SMCO2: variants seen among roughly 807,000 people sequenced by gnomAD.
SMCO2 encodes single-pass membrane protein with coiled-coil domains 2.
A neutral mutation model predicts 29.5 loss-of-function variants in SMCO2; 25 were observed. The observed-to-expected ratio is 0.85, with a 90% CI of 0.62 to 1.18. SMCO2 has a LOEUF of 1.18. SMCO2 is among the 50% of genes most tolerant of loss of function. The probability of loss-of-function intolerance (pLI) is 0.00; values close to 1 mark genes in which losing one functional copy is unlikely to be tolerated. For synonymous variants in SMCO2, 117 were observed against 123.3 expected (o/e 0.95, Z 0.34); for missense variants, 348 against 344.5 (o/e 1.01, Z -0.08).
chr12:27,426,711 A>G, the SMCO2 span, among the ~76,000 whole-genome samples: 1 of 152,220 alleles, frequency 6.6e-6, no homozygotes, highest in Non-Finnish European at 1.5e-5. Context: ...AAACAAATAT[A>G]TAAGTAGTAC....
intron 4 of SMCO2, among the ~76,000 whole-genome samples, chr12:27,482,951 T>C (rs1949658018): frequency 6.6e-6 from 1 of 152,186 alleles, no homozygotes; most frequent in Non-Finnish European, 1.5e-5. Flanking sequence ...AGCCTTGGAC[T>C]TCTGGCCTCA....
chr12:27,456,508 T>A, the SMCO2 span, among the ~76,000 whole-genome samples: 3 of 152,152 alleles, frequency 2.0e-5, no homozygotes, highest in Admixed American at 6.5e-5. Flanking sequence ...GGAATCAAAC[T>A]CCTGGGCTCA....
At chr12:27,498,606 T>G in intron 7 of SMCO2, 1 of 208,918 alleles carries the variant, frequency 4.8e-6, no homozygotes, top group Non-Finnish European at 1.0e-5. Context: ...TGCTTAGGTT[T>G]GAACACTGTA....
At chr12:27,494,984 T>C (rs1415069659) in intron 6 of SMCO2, among the ~76,000 whole-genome samples, 4 of 152,126 alleles carry the variant, frequency 2.6e-5, no homozygotes, top group Non-Finnish European at 5.9e-5. Flanking sequence ...AGGTCATCTC[T>C]TCATTGAGAC....
At chr12:27,478,632 G>A (rs1031082694) in intron 4 of SMCO2, among the ~76,000 whole-genome samples, 6 of 152,056 alleles carry the variant, frequency 3.9e-5, no homozygotes, top group African/African-American at 1.4e-4. Flanking sequence ...TGTAGGCTGG[G>A]CAGGCTGGTC....
Position 27,492,810 on chromosome 12 carries a change from G to C in SMCO2, c.451-1490G>C, listed in dbSNP as rs575127829. Among the ~76,000 whole-genome samples, 4 of 152,162 alleles carry C rather than the reference G, an allele frequency of 2.6e-5. No homozygotes were observed. In the East Asian group the frequency reaches 7.7e-4, roughly 29 times the overall value. The stretch of plus-strand genomic sequence containing the variant: ...AGAGCTAAAAGCAGAACTACCAGTC[G>C]ACCCAGCAATCCCATTATTGTGTAT... On this transcript the variant is annotated intron_variant, in intron 5 of 7. Transcript: ENST00000298876.
the SMCO2 span, among the ~76,000 whole-genome samples, chr12:27,437,270 C>CA: frequency 3.3e-5 from 5 of 151,546 alleles, no homozygotes; most frequent in Non-Finnish European, 7.4e-5. Flanking sequence ...GACCTTGTCT[C>CA]AAAAAACAAA....
intron 1 of SMCO2, 139 bp from the exon 2 acceptor site, chr12:27,470,483 T>C: frequency 1.1e-6 from 1 of 922,078 alleles, no homozygotes. Flanking sequence ...TTTGGGGTCC[T>C]TTACGATGAA....
At chr12:27,436,423 C>T in the SMCO2 span, among the ~76,000 whole-genome samples, 1 of 152,060 alleles carries the variant, frequency 6.6e-6, no homozygotes, top group African/African-American at 2.4e-5. Context: ...CAGATGGATC[C>T]ACATTTGTCC....
chr12:27,446,332 T>TATAAGA, the SMCO2 span, among the ~76,000 whole-genome samples: 1 of 152,154 alleles, frequency 6.6e-6, no homozygotes, highest in Non-Finnish European at 1.5e-5. Context: ...TGCCTCTTCT[T>TATAAGA]ATAAGGGCAC....
At chr12:27,499,173 G>A (rs1943048320) in intron 7 of SMCO2, among the ~76,000 whole-genome samples, 1 of 150,658 alleles carries the variant, frequency 6.6e-6, no homozygotes, top group Non-Finnish European at 1.5e-5. Context: ...TAGCCAAAAA[G>A]TAGAAACAAT....
the SMCO2 span, among the ~76,000 whole-genome samples, chr12:27,428,723 T>TTTAA: frequency 6.6e-6 from 1 of 151,984 alleles, no homozygotes; most frequent in East Asian, 1.9e-4. Context: ...TCCTGGCTCC[T>TTTAA]GGCTGACTTT....
At position 27,479,940 on chromosome 12, in the gene SMCO2, A is replaced by G. The variant is rs1293778020; in HGVS notation, c.362+5027A>G. 7.2e-5 allele frequency among the ~76,000 whole-genome samples: 11 copies of G among 152,274 alleles called. No individual in the cohort carries two copies. The East Asian group carries it at 1.7e-3, about 24-fold the overall frequency. On this transcript the variant is annotated intron_variant, in intron 4 of 7. Coordinates refer to ENST00000298876, the Ensembl canonical transcript of SMCO2. ...AATACACATGGTGAAGTCCCACGAT[A>G]CGCTGTCTGGAAGCTGGGGAAAGAG...
chr12:27,501,659 G>A (rs1275666397), intron 7 of SMCO2, among the ~76,000 whole-genome samples: 1 of 150,168 alleles, frequency 6.7e-6, no homozygotes, highest in Non-Finnish European at 1.5e-5. Flanking sequence ...GATGTGAGAA[G>A]GACATTTCAA....
At chr12:27,468,162 G>A (rs1198415674) in intron 1 of SMCO2, among the ~76,000 whole-genome samples, 1 of 151,852 alleles carries the variant, frequency 6.6e-6, no homozygotes, top group Non-Finnish European at 1.5e-5. Context: ...AAGTGTTGAT[G>A]CTGGATTATG....
rs371821716 is a variant in SMCO2, at chr12:27,485,503, G to A, written c.363-2957G>A. Among the ~76,000 whole-genome samples the A allele has an allele frequency of 2.1e-5, 3 of 146,308 alleles. No homozygotes were observed. In the East Asian group the frequency reaches 6.0e-4, roughly 29 times the overall value. ...CTCACTCTGTCACCTAGGCTGGAGT[G>A]CAGTGGCGTGATCTTGGCTCACTGC... On this transcript the variant is annotated intron_variant, in intron 4 of 7. Coordinates refer to ENST00000298876, the Ensembl canonical transcript of SMCO2.
chr12:27,488,341 C>A, intron 4 of SMCO2, 119 bp from the exon 6 acceptor site: 2 of 547,010 alleles, frequency 3.7e-6, no homozygotes, highest in East Asian at 3.3e-5. Context: ...GCAATACAAG[C>A]ACTACCAAAG....
At chr12:27,474,468 T>A (rs969843482) in intron 3 of SMCO2, among the ~76,000 whole-genome samples, 1 of 152,198 alleles carries the variant, frequency 6.6e-6, no homozygotes, top group Non-Finnish European at 1.5e-5. Context: ...GACATTGATT[T>A]TTTTTAAGAG....
At chr12:27,461,102 A>G in the SMCO2 span, among the ~76,000 whole-genome samples, 2 of 152,296 alleles carry the variant, frequency 1.3e-5, no homozygotes, top group South Asian at 2.1e-4. Context: ...TAGTATTTGC[A>G]TATAACCTAT....
Sources: allele counts gnomAD v4.1 joint callset (sites outside exome capture counted in the v4.1 genomes callset), GRCh38; gene constraint gnomAD v4.1.1; transcripts MANE v1.5; gene names NCBI Gene and HGNC (gene_info 2026-07-23, HGNC 2026-07-21).